ZYG11B: variants seen among roughly 807,000 people sequenced by gnomAD.
ZYG11B encodes the protein protein zyg-11 homolog B.
Under a neutral mutation model 82.4 loss-of-function variants are expected in ZYG11B, and 36 were observed. The observed-to-expected ratio is 0.44, with a 90% CI of 0.33 to 0.58. The LOEUF (loss-of-function observed/expected upper bound fraction) is 0.58. ZYG11B is among the 20% of genes least tolerant of loss of function. The pLI, the probability that ZYG11B is intolerant of heterozygous loss-of-function variation, is 0.02. For missense variants in ZYG11B, 552 were observed against 895.6 expected, an observed-to-expected ratio of 0.62 and a Z score of 4.90; for synonymous variants, 303 against 312.8, an observed-to-expected ratio of 0.97 and a Z score of 0.33.
At chr1:52,762,830 C>A (rs1157395523) in intron 2 of ZYG11B, among the ~76,000 whole-genome samples, 1 of 152,092 alleles carries the variant, frequency 6.6e-6, no homozygotes, top group East Asian at 1.9e-4. Flanking sequence ...GATCTGCCAA[C>A]CTCGGCCTCC....
intron 2 of ZYG11B, among the ~76,000 whole-genome samples, chr1:52,758,846 C>G (rs1644602539): frequency 6.6e-6 from 1 of 152,146 alleles, no homozygotes; most frequent in Admixed American, 6.6e-5. Flanking sequence ...TTAAAAGTCC[C>G]TTACACAGCT....
At chr1:52,740,018 A>G (rs12726967) in intron 1 of ZYG11B, among the ~76,000 whole-genome samples, 18,312 of 152,214 alleles carry the variant, frequency 0.12, 2,329 homozygotes, top group African/African-American at 0.33. Context: ...AAGTTAATTG[A>G]CTTTCCTAAG....
intron 1 of ZYG11B, chr1:52,754,543 G>A (rs2149928626): frequency 6.6e-6 from 1 of 152,176 alleles, no homozygotes; most frequent in South Asian, 2.1e-4. Flanking sequence ...CACCACACCT[G>A]GGTAATTTTT....
intron 1 of ZYG11B, among the ~76,000 whole-genome samples, chr1:52,751,491 G>A (rs772685389): frequency 2.0e-5 from 3 of 152,052 alleles, no homozygotes; most frequent in African/African-American, 7.2e-5. Context: ...TTAGCTGGGC[G>A]TGGTGGCATG....
chr1:52,780,027 A>C lies in ZYG11B; in HGVS notation c.1092+34A>C, dbSNP rs199900947. 1.1e-3 allele frequency: 1,790 copies of C among 1,599,674 alleles called. 18 individuals carry two copies. In the South Asian group the frequency reaches 0.013, roughly 12 times the overall value. ...AAGAAACTGGATATGAAATTTTTGA[A>C]ATGATCTCCCTGGGCAGATGATTTT... On this transcript the variant is annotated intron_variant, in intron 4 of 13. Transcript: ENST00000294353.
At chr1:52,792,792 A>G (rs1293507310) in intron 6 of ZYG11B, among the ~76,000 whole-genome samples, 1 of 152,150 alleles carries the variant, frequency 6.6e-6, no homozygotes, top group African/African-American at 2.4e-5. Context: ...CTTCTATGTG[A>G]TATCATTTAA....
At chr1:52,767,307 T>TGTTTTGTTATATTAC (rs1644705867) in intron 2 of ZYG11B, among the ~76,000 whole-genome samples, 1 of 150,362 alleles carries the variant, frequency 6.7e-6, no homozygotes, top group African/African-American at 2.5e-5. Flanking sequence ...TTTTATTTTA[T>TGTTTTGTTATATTAC]GTTATGTTAT....
rs1249897776 is a variant in ZYG11B at position 52,803,147 on chromosome 1, T to C, written c.1695+1008T>C. On this transcript the variant is annotated intron_variant, in intron 10 of 13. Transcript: ENST00000294353. ...ACATATATATATACACACATATATA[T>C]ATATATACACATATATATATACACA... Among the ~76,000 whole-genome samples, 12 of 74,298 alleles carry C rather than the reference T, an allele frequency of 1.6e-4. 1 individual carries two copies. Among genetic ancestry groups the C allele is most frequent in the East Asian group, 7.0e-4 (1 of 1,438 alleles). 48.7% of individuals were successfully genotyped at this position (74,298 alleles called of 152,430 possible).
At chr1:52,817,138 C>T (rs971068089) in intron 13 of ZYG11B, among the ~76,000 whole-genome samples, 1 of 152,032 alleles carries the variant, frequency 6.6e-6, no homozygotes, top group Non-Finnish European at 1.5e-5. Context: ...CATGGTGTAA[C>T]TAGACACTGA....
At position 52,783,816 on chromosome 1, in the gene ZYG11B, G is replaced by A. The variant is rs1236204735; in HGVS notation, c.1093-1061G>A. On this transcript the variant is annotated intron_variant, in intron 4 of 13. Coordinates refer to ENST00000294353, the MANE Select transcript of ZYG11B (RefSeq NM_024646.3). ...TATATATATATATATACACACACAC[G>A]TATATGTATACATACGTGTGTATAT... Among the ~76,000 whole-genome samples, 94 of 123,876 alleles carry A rather than the reference G, an allele frequency of 7.6e-4. 2 individuals are homozygous for A. Among genetic ancestry groups the A allele is most frequent in the Middle Eastern group, 9.5e-3 (2 of 210 alleles). The allele number at this position is 123,876 out of a possible 152,430, so 81.3% of individuals were successfully genotyped here.
At chr1:52,753,180 C>T (rs1021819626) in intron 1 of ZYG11B, among the ~76,000 whole-genome samples, 2 of 152,144 alleles carry the variant, frequency 1.3e-5, no homozygotes, top group Non-Finnish European at 2.9e-5. Flanking sequence ...AACAATGCTT[C>T]TGTAAACATT....
chr1:52,801,286 T>C (rs1372249063), intron 8 of ZYG11B, among the ~76,000 whole-genome samples: 1 of 150,744 alleles, frequency 6.6e-6, no homozygotes, highest in Non-Finnish European at 1.5e-5. Flanking sequence ...ATGTAGTTTT[T>C]CCTTTCTTTT....
chr1:52,794,891 TC>T, intron 6 of ZYG11B, among the ~76,000 whole-genome samples: 1 of 152,316 alleles, frequency 6.6e-6, no homozygotes, highest in South Asian at 2.1e-4. Context: ...GTGATTTCTC[TC>T]CTGAATTACT....
chr1:52,794,185 A>C (rs1644987381), intron 6 of ZYG11B, among the ~76,000 whole-genome samples: 1 of 152,026 alleles, frequency 6.6e-6, no homozygotes, highest in African/African-American at 2.4e-5. Context: ...CATGTTTGCC[A>C]GGATGGTCTC....
At chr1:52,796,208 T>C in intron 6 of ZYG11B, 84 bp from the exon 7 acceptor site, 7 of 955,922 alleles carry the variant, frequency 7.3e-6, no homozygotes, top group Non-Finnish European at 1.2e-5. Context: ...TATATTTAAG[T>C]TGTAGCATCA....
intron 1 of ZYG11B, among the ~76,000 whole-genome samples, chr1:52,742,767 G>A (rs188145096): frequency 6.6e-6 from 1 of 151,854 alleles, no homozygotes. Flanking sequence ...GCCTGAAGCC[G>A]GGAGGCGGAG....
intron 3 of ZYG11B, among the ~76,000 whole-genome samples, chr1:52,778,906 A>G (rs370763893): frequency 6.6e-6 from 1 of 152,162 alleles, no homozygotes; most frequent in African/African-American, 2.4e-5. Context: ...ATGAATACTT[A>G]TGGAGAAAGT....
At chr1:52,747,691 G>A (rs1644488822) in intron 1 of ZYG11B, among the ~76,000 whole-genome samples, 1 of 152,072 alleles carries the variant, frequency 6.6e-6, no homozygotes, top group Non-Finnish European at 1.5e-5. Context: ...GCTGAGTGGG[G>A]TAAACAGATA....
intron 3 of ZYG11B, among the ~76,000 whole-genome samples, chr1:52,775,591 T>A (rs571945800): frequency 6.6e-6 from 1 of 152,226 alleles, no homozygotes; most frequent in Non-Finnish European, 1.5e-5. Flanking sequence ...TTCAGGAGGC[T>A]GAGGCAGGAG....
Sources: allele counts gnomAD v4.1 joint callset (sites outside exome capture counted in the v4.1 genomes callset), GRCh38; gene constraint gnomAD v4.1.1; transcripts MANE v1.5; gene names NCBI Gene and HGNC (gene_info 2026-07-23, HGNC 2026-07-21).